Variants in DHX32 observed in about 807,000 individuals in gnomAD.
DHX32 encodes putative pre-mRNA-splicing factor ATP-dependent RNA helicase DHX32.
DHX32 carries 51 observed loss-of-function variants against 70.0 expected under a neutral mutation model. The ratio of observed to expected loss-of-function variants is 0.73; its 90% confidence interval spans 0.58 to 0.92. The LOEUF (loss-of-function observed/expected upper bound fraction) is 0.92. Ranked by LOEUF, DHX32 falls within the 40% of genes least tolerant of loss-of-function variation. The pLI, the probability that DHX32 is intolerant of heterozygous loss-of-function variation, is 0.00. For synonymous variants in DHX32, 310 were observed against 315.3 expected, an observed-to-expected ratio of 0.98 and a Z score of 0.18; for missense variants, 762 against 891.8, an observed-to-expected ratio of 0.85 and a Z score of 1.85.
chr10:125,860,806 A>C (rs992651585), intron 2 of DHX32, among the ~76,000 whole-genome samples: 4 of 123,160 alleles, frequency 3.2e-5, no homozygotes, highest in Non-Finnish European at 6.3e-5. Flanking sequence ...CCCAGGCTGG[A>C]GTGCAGTGGC....
In DHX32 at chr10:125,836,613, G is replaced by A. The variant is rs773988110; in HGVS notation, c.*74C>T. ...GATGTGAAATCCGTCTTCGCGTCAT[G>A]TATCTCCCATATCCAGCAGTTCAGC... On this transcript the variant is annotated 3_prime_UTR_variant, in exon 11 of 11. Coordinates refer to ENST00000284690, the MANE Select transcript of DHX32 (RefSeq NM_018180.3). 2.9e-5 allele frequency: 44 copies of A among 1,537,828 alleles called. No individual in the cohort carries two copies. Among genetic ancestry groups the A allele is most frequent in the Non-Finnish European group, 3.3e-5 (38 of 1,134,514 alleles).
intron 1 of DHX32, among the ~76,000 whole-genome samples, chr10:125,873,712 C>T (rs1164073373): frequency 1.3e-5 from 2 of 152,170 alleles, no homozygotes; most frequent in African/African-American, 4.8e-5. Flanking sequence ...GCAGCTATCC[C>T]ACCCAAAGTG....
intron 1 of DHX32, among the ~76,000 whole-genome samples, chr10:125,895,498 C>G (rs904909081): frequency 6.6e-6 from 1 of 152,160 alleles, no homozygotes; most frequent in Non-Finnish European, 1.5e-5. Flanking sequence ...TCTGGTGTTC[C>G]GGAACCTATG....
intron 10 of DHX32, among the ~76,000 whole-genome samples, chr10:125,837,329 A>C (rs1031917706): frequency 6.6e-6 from 1 of 152,212 alleles, no homozygotes; most frequent in Non-Finnish European, 1.5e-5. Context: ...TGGAACCTTC[A>C]AAATGGATCC....
In DHX32 at chr10:125,839,865, T is replaced by C. The variant is rs962341109; in HGVS notation, c.1694-677A>G. 3.3e-5 allele frequency among the ~76,000 whole-genome samples: 5 copies of C among 152,172 alleles called. No individual in the cohort carries two copies. In the South Asian group the frequency reaches 1.0e-3, roughly 31 times the overall value. On this transcript the variant is annotated intron_variant, in intron 8 of 10. Transcript: ENST00000284690. Reference sequence around the variant, plus strand: ...GAAGACCCTCATTTACCCTGTCCTGTCCACTCATGCTGCTCGGAGCAACCA... The same window carrying C: ...GAAGACCCTCATTTACCCTGTCCTGCCCACTCATGCTGCTCGGAGCAACCA...
intron 6 of DHX32, among the ~76,000 whole-genome samples, chr10:125,845,644 T>G (rs1944007683): frequency 6.6e-6 from 1 of 152,232 alleles, no homozygotes; most frequent in African/African-American, 2.4e-5. Flanking sequence ...AAGGCTGGAT[T>G]TGAGTCATTA....
intron 4 of DHX32, chr10:125,853,334 T>C: frequency 5.6e-6 from 4 of 716,898 alleles, no homozygotes; most frequent in Non-Finnish European, 6.3e-6. Context: ...TATTTGTTAG[T>C]TTCGTTTGAG....
intron 6 of DHX32, among the ~76,000 whole-genome samples, chr10:125,850,935 A>C (rs1589708775): frequency 1.3e-5 from 2 of 152,162 alleles, no homozygotes; most frequent in African/African-American, 4.8e-5. Flanking sequence ...ATCTGTTTCC[A>C]CTGAAGTGGT....
intron 4 of DHX32, 129 bp from the exon 5 acceptor site, chr10:125,852,771 G>T: frequency 5.0e-6 from 4 of 798,082 alleles, no homozygotes; most frequent in Non-Finnish European, 7.7e-6. Context: ...CATTTTCTTT[G>T]CACGATATTT....
At chr10:125,850,354 CTTTT>C (rs765077777) in intron 6 of DHX32, among the ~76,000 whole-genome samples, 8 of 124,562 alleles carry the variant, frequency 6.4e-5, no homozygotes, top group East Asian at 2.2e-4. Flanking sequence ...TTCTTTCTTT[CTTTT>C]TTTTTTTTTT....
At chr10:125,853,762 C>G in intron 4 of DHX32, 199 bp downstream of exon 4, 1 of 570,910 alleles carries the variant, frequency 1.8e-6, no homozygotes, top group Admixed American at 3.7e-5. Flanking sequence ...TAATTCATTT[C>G]CAAACCTCCA....
chr10:125,840,891 A>G lies in DHX32; in HGVS notation c.1649T>C (p.Ile550Thr). The change falls in exon 8 of 11, where the codon ATT becomes ACT. Residue 550 changes from isoleucine to threonine, a missense_variant. Around this residue, in one of 3 missense-constraint regions of DHX32, gnomAD observed 366 missense variants for 402.6 expected, o/e 0.91. Coordinates refer to ENST00000284690, the MANE Select transcript of DHX32 (RefSeq NM_018180.3). The stretch of plus-strand genomic sequence containing the variant: ...AGTTGTGTCTTGGTAAGCCTTGTAA[A>G]TGCTGATGAGGGTAAAGTGATCTCC... Reference protein sequence around the residue: ...PEGDHFTLISIYKAYQDTTLN... With the variant: ...PEGDHFTLISTYKAYQDTTLN... 1.2e-6 allele frequency: 2 copies of G among 1,609,566 alleles called. No homozygotes were observed. The highest frequency in any genetic ancestry group is 1.7e-6 in the Non-Finnish European group (2 of 1,176,268).
chr10:125,852,178 C>A, intron 6 of DHX32, 115 bp downstream of exon 6: 1 of 1,316,056 alleles, frequency 7.6e-7, no homozygotes, highest in Non-Finnish European at 1.0e-6. Flanking sequence ...TCCAAACCAA[C>A]GCCCCCTCCA....
rs537562499 is a variant in DHX32 at position 125,845,852 on chromosome 10, G to A, written c.1352-3918C>T. Among the ~76,000 whole-genome samples the A allele has an allele frequency of 2.0e-5, 3 of 152,304 alleles. No individual in the cohort carries two copies. The East Asian group carries it at 5.8e-4, about 29-fold the overall frequency. The stretch of plus-strand genomic sequence containing the variant: ...GAGGCAGGCGGAGGCCAGCTCCTCC[G>A]AGCTTAGCTGTGCCTGAAGACCTCT... On this transcript the variant is annotated intron_variant, in intron 6 of 10. Transcript: ENST00000284690.
intron 1 of DHX32, among the ~76,000 whole-genome samples, chr10:125,869,877 T>C (rs1197842039): frequency 1.3e-5 from 2 of 151,952 alleles, no homozygotes; most frequent in African/African-American, 4.8e-5. Flanking sequence ...ATCATAATAA[T>C]TGAAAAGAAG....
At chr10:125,836,940 C>T (rs1323613038) in intron 10 of DHX32, 85 bp from the exon 11 acceptor site, 1 of 1,171,768 alleles carries the variant, frequency 8.5e-7, no homozygotes, top group Non-Finnish European at 1.2e-6. Context: ...ACTTCCCATC[C>T]CTGGAGAATC....
chr10:125,859,797 G>A lies in DHX32; in HGVS notation c.655C>T (p.Pro219Ser), dbSNP rs1204424283. The A allele has an allele frequency of 1.9e-6, 3 of 1,614,070 alleles. No individual in the cohort carries two copies. The Admixed American group carries it at 5.0e-5, about 27-fold the overall frequency. ...PELKLIINSS[P>S]HLISKLNSYY... ...GAATTGAGTTTGCTGATCAGGTGAGGTGAGGAGTTAATTATGAGCTTCAGT... is the reference window on the plus strand; with the variant it reads ...GAATTGAGTTTGCTGATCAGGTGAGATGAGGAGTTAATTATGAGCTTCAGT... The change falls in exon 3 of 11, where the codon CCT (proline) becomes TCT (serine). Residue 219 changes from proline (P) to serine (S), a missense_variant. Pro to Ser is a moderately conservative substitution (Grantham distance 74). Around this residue, in one of 3 missense-constraint regions of DHX32, gnomAD observed 394 missense variants for 473.1 expected, o/e 0.83. Coordinates refer to ENST00000284690, the MANE Select transcript of DHX32 (RefSeq NM_018180.3).
At chr10:125,891,962 G>C (rs1439558533) in intron 1 of DHX32, among the ~76,000 whole-genome samples, 6 of 152,058 alleles carry the variant, frequency 3.9e-5, no homozygotes, top group Admixed American at 6.5e-5. Context: ...ATCACTAAAT[G>C]CTTAATCCAA....
chr10:125,876,577 GAGA>G (rs1417181644), intron 1 of DHX32, among the ~76,000 whole-genome samples: 2 of 152,212 alleles, frequency 1.3e-5, no homozygotes, highest in African/African-American at 4.8e-5. Flanking sequence ...ATGAGGCACT[GAGA>G]AGGATACACA....
Sources: gnomAD v4.1 joint callset for allele counts (sites outside exome capture counted in the v4.1 genomes callset) on GRCh38, gnomAD v4.1.1 for gene constraint, gnomAD v4.1.1 regional missense constraint, MANE v1.5 for transcripts, NCBI Gene and HGNC (gene_info 2026-07-23, HGNC 2026-07-21) for gene names.